The following ZNF83 variants were observed in gnomAD, a reference collection of about 807,000 sequenced individuals.
The protein encoded by ZNF83 is zinc finger protein 816B.
For synonymous variants in ZNF83, 209 were observed against 213.0 expected, an observed-to-expected ratio of 0.98 and a Z score of 0.17; for missense variants, 552 against 629.9, an observed-to-expected ratio of 0.88 and a Z score of 1.32.
At chr19:52,628,844 C>G in intron 2 of ZNF83, among the ~76,000 whole-genome samples, 1 of 151,636 alleles carries the variant, frequency 6.6e-6, no homozygotes, top group East Asian at 1.9e-4. Context: ...TATTTCCATG[C>G]CCCAACCTCA....
intron 3 of ZNF83, among the ~76,000 whole-genome samples, chr19:52,644,796 C>CACCTGAGG (rs879852770): frequency 2.5e-3 from 377 of 151,966 alleles, no homozygotes; most frequent in Non-Finnish European, 4.1e-3. Context: ...AGGTGGAGGT[C>CACCTGAGG]TCAGGAGTTT....
intron 2 of ZNF83, among the ~76,000 whole-genome samples, chr19:52,619,326 T>C (rs538457179): frequency 7.2e-5 from 11 of 152,266 alleles, no homozygotes; most frequent in African/African-American, 2.2e-4. Flanking sequence ...GTTCCCATTA[T>C]AGAAATGTTA....
rs772311727 is a variant in ZNF83 at position 52,688,337 on chromosome 19, A to ATT, written c.-283+2104_-283+2105dup. Among the ~76,000 whole-genome samples, 398 of 139,640 alleles carry ATT rather than the reference A, an allele frequency of 2.9e-3. 1 individual carries two copies. Among genetic ancestry groups the ATT allele is most frequent in the East Asian group, 0.011 (53 of 4,798 alleles). 91.6% of individuals were successfully genotyped at this position (139,640 alleles called of 152,430 possible). On this transcript the variant is annotated intron_variant, in intron 1 of 5. Transcript: ENST00000594682. ...AGGTGCGCACCATCATACCCGATTAATTTTTTTTTTTTTTTGGCAGAGATA... is the reference window on the plus strand; with the variant it reads ...AGGTGCGCACCATCATACCCGATTAATTTTTTTTTTTTTTTTTGGCAGAGATA...
intron 1 of ZNF83, among the ~76,000 whole-genome samples, chr19:52,690,196 AAAC>A (rs1030509482): frequency 4.7e-5 from 7 of 149,460 alleles, no homozygotes; most frequent in East Asian, 2.0e-4. Flanking sequence ...AAAAAAAAAA[AAAC>A]AACAACAACT....
rs913584520 is a variant in ZNF83, at chr19:52,668,862, TG to T, written c.-282-8020del. Among the ~76,000 whole-genome samples, 36 of 152,272 alleles carry T rather than the reference TG, an allele frequency of 2.4e-4. 1 individual carries two copies. Among genetic ancestry groups the T allele is most frequent in the African/African-American group, 8.2e-4 (34 of 41,542 alleles). On this transcript the variant is annotated intron_variant, in intron 1 of 5. Transcript: ENST00000594682. Reference sequence around the variant, plus strand: ...AGCTCTTTTCCAGGATTCTACATCCTGGGGTAACAAGTTATGCCAAGCTCTC... The same window carrying T: ...AGCTCTTTTCCAGGATTCTACATCCTGGGTAACAAGTTATGCCAAGCTCTC...
intron 2 of ZNF83, chr19:52,617,316 TGTG>T (rs2060347346): frequency 6.6e-6 from 1 of 152,218 alleles, no homozygotes; most frequent in African/African-American, 2.4e-5. Flanking sequence ...CGGTTTAGGC[TGTG>T]TTCTGAGAAA....
At chr19:52,628,427 T>C (rs943834579) in intron 2 of ZNF83, among the ~76,000 whole-genome samples, 2 of 152,164 alleles carry the variant, frequency 1.3e-5, no homozygotes, top group Non-Finnish European at 1.5e-5. Flanking sequence ...CACACTTCAA[T>C]CTCTCCTTTC....
At chr19:52,653,317 G>A in intron 3 of ZNF83, 1 of 1,333,580 alleles carries the variant, frequency 7.5e-7, no homozygotes. Context: ...ACATGTGTAA[G>A]GTTTCTCTCC....
chr19:52,683,525 G>C, intron 1 of ZNF83, among the ~76,000 whole-genome samples: 1 of 29,072 alleles, frequency 3.4e-5, no homozygotes. Context: ...GGAATCCAAA[G>C]GGAAGGGCAA....
At chr19:52,677,368 C>A (rs2061834052) in intron 1 of ZNF83, among the ~76,000 whole-genome samples, 1 of 150,116 alleles carries the variant, frequency 6.7e-6, no homozygotes, top group Admixed American at 6.6e-5. Context: ...TGCCTGTAAT[C>A]CCAGCTACTC....
chr19:52,684,939 G>A lies in ZNF83; in HGVS notation c.-283+5504C>T, dbSNP rs1168969117. Among the ~76,000 whole-genome samples, 9 of 152,176 alleles carry A rather than the reference G, an allele frequency of 5.9e-5. 1 individual carries two copies. Among genetic ancestry groups the A allele is most frequent in the Admixed American group, 2.6e-4 (4 of 15,270 alleles). On this transcript the variant is annotated intron_variant, in intron 1 of 5. Transcript: ENST00000594682. Reference sequence around the variant, plus strand: ...TTTGTCCTGGGGAACACGGGAAGCCGGTGGAGGGTTCCCTGCCAGGCACTG... The same window carrying A: ...TTTGTCCTGGGGAACACGGGAAGCCAGTGGAGGGTTCCCTGCCAGGCACTG...
chr19:52,612,650 GATGA>G (rs1391229287), exon 3 of ZNF83: 4 of 221,576 alleles, frequency 1.8e-5, no homozygotes, highest in South Asian at 1.2e-4. Context: ...CTCTGATGTT[GATGA>G]ATGTTTGAAG....
intron 3 of ZNF83, chr19:52,653,171 T>G (rs2061465338): frequency 1.3e-6 from 2 of 1,497,358 alleles, no homozygotes; most frequent in African/African-American, 2.8e-5. Context: ...GTATGAAGTC[T>G]ACGATGGCCC....
rs558510897 is a variant in ZNF83 at position 52,631,937 on chromosome 19, C to G, written c.-234+3129G>C. 2.4e-3 allele frequency among the ~76,000 whole-genome samples: 88 copies of G among 36,388 alleles called. No individual in the cohort carries two copies. The East Asian group carries it at 0.054, about 22-fold the overall frequency. 23.9% of individuals were successfully genotyped at this position (36,388 alleles called of 152,430 possible). A position where few individuals can be genotyped will look rare whatever the true frequency, so the allele number is the denominator to read the frequency against. ...ACTACTCCTCAGGGATTATTCAGGC[C>G]CCCCTCCCTTCCCTACACATCAAGC... On this transcript the variant is annotated intron_variant, in intron 2 of 2. Coordinates refer to ENST00000301096, the Ensembl canonical transcript of ZNF83.
intron 1 of ZNF83, among the ~76,000 whole-genome samples, chr19:52,672,157 C>T (rs1045526079): frequency 2.6e-5 from 4 of 152,112 alleles, no homozygotes; most frequent in African/African-American, 9.7e-5. Flanking sequence ...TCTCTTGAAT[C>T]CAGGAGGCAG....
At chr19:52,620,159 A>C (rs2060481628) in intron 2 of ZNF83, among the ~76,000 whole-genome samples, 1 of 152,198 alleles carries the variant, frequency 6.6e-6, no homozygotes, top group Admixed American at 6.5e-5. Context: ...TTGAATGCAA[A>C]GGGTTGTCAT....
At chr19:52,647,922 T>C (rs1207025706) in intron 3 of ZNF83, among the ~76,000 whole-genome samples, 2 of 151,586 alleles carry the variant, frequency 1.3e-5, no homozygotes, top group Non-Finnish European at 2.9e-5. Context: ...ACCCACTCTC[T>C]GGCACCCTAG....
chr19:52,688,258 C>T (rs1274141102), intron 1 of ZNF83, among the ~76,000 whole-genome samples: 1 of 152,010 alleles, frequency 6.6e-6, no homozygotes, highest in Non-Finnish European at 1.5e-5. Flanking sequence ...GCAGCCTGGA[C>T]CTCCCGAGCT....
chr19:52,638,289 C>G (rs2061221541), intron 1 of ZNF83, 23 bp downstream of exon 1: 1 of 152,294 alleles, frequency 6.6e-6, no homozygotes, highest in African/African-American at 2.4e-5. Context: ...TAAGCGCAGA[C>G]TTAATAGAAG....
Sources: gnomAD v4.1 joint callset for allele counts (sites outside exome capture counted in the v4.1 genomes callset) on GRCh38, gnomAD v4.1.1 for gene constraint, MANE v1.5 for transcripts, NCBI Gene and HGNC (gene_info 2026-07-23, HGNC 2026-07-21) for gene names.